Variants in RBM12 observed in about 807,000 individuals in gnomAD.
RBM12 encodes RNA-binding protein 12.
Under a neutral mutation model 37.2 loss-of-function variants are expected in RBM12, and 24 were observed. That is an observed-to-expected ratio of 0.65 (90% CI 0.47 to 0.91). RBM12 has a LOEUF of 0.91. Ranked by LOEUF, RBM12 falls within the 40% of genes least tolerant of loss-of-function variation. The pLI is 0.00. For missense variants in RBM12, 1,061 were observed against 1,183.2 expected, an observed-to-expected ratio of 0.90 and a Z score of 1.52; for synonymous variants, 420 against 425.2, an observed-to-expected ratio of 0.99 and a Z score of 0.15.
intron 2 of RBM12, among the ~76,000 whole-genome samples, chr20:35,658,686 G>A (rs2034048129): frequency 6.6e-6 from 1 of 152,090 alleles, no homozygotes; most frequent in Non-Finnish European, 1.5e-5. Context: ...CTTGAACCCG[G>A]GAGGCGGAGG....
chr20:35,661,362 C>T (rs900726495), intron 1 of RBM12, among the ~76,000 whole-genome samples: 1 of 152,172 alleles, frequency 6.6e-6, no homozygotes, highest in Non-Finnish European at 1.5e-5. Flanking sequence ...CAAAAATCCA[C>T]GCCATTTACC....
At chr20:35,658,805 AC>A (rs1186860019) in intron 2 of RBM12, 124 bp downstream of exon 2, 80 of 129,064 alleles carry the variant, frequency 6.2e-4, no homozygotes, top group African/African-American at 9.3e-4. Flanking sequence ...AAACAAAAAC[AC>A]ACACACACAC....
chr20:35,651,948 A>G lies in RBM12; in HGVS notation c.*576T>C, dbSNP rs2033552613. 1.3e-5 allele frequency: 2 copies of G among 152,594 alleles called. No individual in the cohort carries two copies. Among genetic ancestry groups the G allele is most frequent in the African/African-American group, 4.8e-5 (2 of 41,474 alleles). The allele number at this position is 152,594 out of a possible 1,614,324, so 9.5% of individuals were successfully genotyped here. A position where few individuals can be genotyped will look rare whatever the true frequency, so the allele number is the denominator to read the frequency against. On this transcript the variant is annotated 3_prime_UTR_variant, in exon 3 of 3. Coordinates refer to ENST00000374114, the MANE Select transcript of RBM12 (RefSeq NM_006047.6). Reference sequence around the variant, plus strand: ...TTACAAATGAGTCAATTAGACAAACAAAGCAGCAACTTCTGAAGCAGGACT... The same window carrying G: ...TTACAAATGAGTCAATTAGACAAACGAAGCAGCAACTTCTGAAGCAGGACT...
At chr20:35,657,513 T>C (rs2033968862) in intron 2 of RBM12, among the ~76,000 whole-genome samples, 1 of 152,086 alleles carries the variant, frequency 6.6e-6, no homozygotes, top group African/African-American at 2.4e-5. Flanking sequence ...AAACAGAAAC[T>C]TGATATAGTC....
chr20:35,653,719 G>A lies in RBM12; in HGVS notation c.1604C>T (p.Pro535Leu). The change falls in exon 3 of 3, where the codon CCA (proline) becomes CTA (leucine). Residue 535 changes from proline to leucine, a missense_variant. Pro to Leu is a moderately conservative substitution (Grantham distance 98, BLOSUM62 -3). Around this residue, in one of 3 missense-constraint regions of RBM12, gnomAD observed 517 missense variants for 534.0 expected, o/e 0.97. Coordinates refer to ENST00000374114, the MANE Select transcript of RBM12 (RefSeq NM_006047.6). The stretch of plus-strand genomic sequence containing the variant: ...TTTGGCAGAGTTGACATCCCCCTCT[G>A]GATTTAGTATCATTTCCCTCTGGTC... ...SYDQREMILN[P>L]EGDVNSAKVC... is the part of the protein sequence containing the mutation. 2 of 1,614,150 alleles carry A rather than the reference G, an allele frequency of 1.2e-6. No homozygotes were observed. Among genetic ancestry groups the A allele is most frequent in the Non-Finnish European group, 1.7e-6 (2 of 1,180,032 alleles).
At chr20:35,663,752 C>G (rs1040586248) in intron 1 of RBM12, among the ~76,000 whole-genome samples, 2 of 152,160 alleles carry the variant, frequency 1.3e-5, no homozygotes, top group Admixed American at 6.6e-5. Context: ...ACAAAAAGCC[C>G]GTACGTTTAC....
At chr20:35,656,372 A>G (rs1670888731) in intron 2 of RBM12, among the ~76,000 whole-genome samples, 3 of 152,160 alleles carry the variant, frequency 2.0e-5, no homozygotes, top group African/African-American at 7.2e-5. Flanking sequence ...GTTCCCCTCA[A>G]ATTTCAGTAT....
intron 1 of RBM12, 177 bp downstream of exon 1, chr20:35,664,583 T>A (rs954333973): frequency 2.0e-5 from 3 of 152,338 alleles, no homozygotes; most frequent in African/African-American, 7.2e-5. Flanking sequence ...CCTTGCATCC[T>A]CTCAGATCTC....
In RBM12 at chr20:35,653,903, C is replaced by T; in HGVS notation, c.1420G>A (p.Gly474Ser). 1 of 1,614,160 alleles carries T rather than the reference C, an allele frequency of 6.2e-7. No individual in the cohort carries two copies. Among genetic ancestry groups the T allele is most frequent in the Non-Finnish European group, 8.5e-7 (1 of 1,180,030 alleles). ...GCCTCATTTCTGAACTCTACAAAGC[C>T]TTCGCCAGTTGCTTTCCCATTGGGT... is the stretch of plus-strand genomic sequence containing the variant. The part of the protein sequence containing the change: ...YGPNGKATGE[G>S]FVEFRNEADY... Residue 474 changes from glycine to serine, a missense_variant, in exon 3 of 3, where the codon GGC becomes AGC. By Grantham distance (56) the Gly-to-Ser change is moderately conservative. This residue lies in a region of RBM12 where 540 missense variants were observed against 632.7 expected (regional missense o/e 0.85). Transcript: ENST00000374114.
At position 35,659,021 on chromosome 20, in the gene RBM12, T is replaced by C. The variant is rs1334562690; in HGVS notation, c.-107-7A>G. On this transcript the variant is annotated splice_region_variant and splice_polypyrimidine_tract_variant and intron_variant, in intron 1 of 2. Transcript: ENST00000374114. ...ATTAAAACCAACTTTTAGACTGCAA[T>C]AGAGAATAAACGGAGGCAAAAATCA... 11 of 713,802 alleles carry C rather than the reference T, an allele frequency of 1.5e-5. No individual in the cohort carries two copies. Among genetic ancestry groups the C allele is most frequent in the South Asian group, 3.0e-5 (2 of 67,462 alleles). The allele number at this position is 713,802 out of a possible 1,614,324, so 44.2% of individuals were successfully genotyped here.
In RBM12 at chr20:35,654,340, C is replaced by T. The variant is rs771722891; in HGVS notation, c.983G>A (p.Arg328His). 21 of 1,614,050 alleles carry T rather than the reference C, an allele frequency of 1.3e-5. No homozygotes were observed. Among genetic ancestry groups the T allele is most frequent in the Non-Finnish European group, 1.7e-5 (20 of 1,180,040 alleles). The change falls in exon 3 of 3, where the codon CGT becomes CAT. Residue 328 changes from arginine to histidine, a missense_variant. Arg to His is a conservative substitution (Grantham distance 29). This residue lies in a region of RBM12 where 540 missense variants were observed against 632.7 expected (regional missense o/e 0.85). Coordinates refer to ENST00000374114, the MANE Select transcript of RBM12 (RefSeq NM_006047.6). ...TTTCAACAAATGCACTGCATCAACA[C>T]GGAGCCCATGAAAAAAATCTCTGAC... ...NDVRDFFHGL[R>H]VDAVHLLKDH...
Position 35,653,153 on chromosome 20 carries a change from G to A in RBM12, c.2170C>T (p.Pro724Ser), listed in dbSNP as rs767631496. 8.1e-6 allele frequency: 13 copies of A among 1,613,476 alleles called. No homozygotes were observed. Among genetic ancestry groups the A allele is most frequent in the East Asian group, 4.5e-5 (2 of 44,900 alleles). The change falls in exon 3 of 3, where the codon CCT becomes TCT. Residue 724 changes from proline (P) to serine (S), a missense_variant. Around this residue, in one of 3 missense-constraint regions of RBM12, gnomAD observed 517 missense variants for 534.0 expected, o/e 0.97. Coordinates refer to ENST00000374114, the MANE Select transcript of RBM12 (RefSeq NM_006047.6). ...GCATTTGATCCACCAAAATTACCAG[G>A]AAAGTTAAATGGAGGCCCATTATTG... ...EANNGPPFNF[P>S]GNFGGSNAFG...
intron 2 of RBM12, among the ~76,000 whole-genome samples, chr20:35,657,989 G>A (rs1010785050): frequency 5.3e-5 from 8 of 151,994 alleles, no homozygotes; most frequent in African/African-American, 1.9e-4. Flanking sequence ...TTGAACCCGG[G>A]AGGCAGAGAT....
In RBM12 at chr20:35,653,324, G is replaced by T. The variant is rs755749928; in HGVS notation, c.1999C>A (p.Leu667Ile). The T allele has an allele frequency of 1.2e-6, 2 of 1,613,834 alleles. No homozygotes were observed. Among genetic ancestry groups the T allele is most frequent in the East Asian group, 4.5e-5 (2 of 44,836 alleles). ...GTGCTGGGCAGGCCTGCACCGGGAA[G>T]TCCTGCACTGGGCAGTCCCACACCG... ...LPGVGLPSAG[L>I]PGAGLPSTGL... The change falls in exon 3 of 3, where the codon CTT (leucine) becomes ATT (isoleucine). Residue 667 changes from leucine (L) to isoleucine (I), a missense_variant. This residue lies in a region of RBM12 where 517 missense variants were observed against 534.0 expected (regional missense o/e 0.97). Transcript: ENST00000374114.
In RBM12 at chr20:35,653,185, T is replaced by A; in HGVS notation, c.2138A>T (p.Lys713Met). 1 of 1,613,520 alleles carries A rather than the reference T, an allele frequency of 6.2e-7. No homozygotes were observed. The highest frequency in any genetic ancestry group is 1.3e-5 in the African/African-American group (1 of 75,070). ...AAATGGAGGCCCATTATTGGCTTCC[T>A]TTGATCCTACAGTCAGGAAGGCATG... The part of the protein sequence containing the change: ...EEHAFLTVGS[K>M]EANNGPPFNF... The change falls in exon 3 of 3, where the codon AAG becomes ATG. Residue 713 changes from lysine (K) to methionine (M), a missense_variant. Lys to Met is a moderately conservative substitution (Grantham distance 95, BLOSUM62 -1). This residue lies in a region of RBM12 where 517 missense variants were observed against 534.0 expected (regional missense o/e 0.97). Coordinates refer to ENST00000374114, the MANE Select transcript of RBM12 (RefSeq NM_006047.6).
intron 1 of RBM12, among the ~76,000 whole-genome samples, chr20:35,662,510 G>A (rs553616405): frequency 2.0e-4 from 30 of 152,206 alleles, no homozygotes; most frequent in African/African-American, 7.2e-4. Context: ...GCACTTGTGG[G>A]CCAGACAAAA....
At chr20:35,659,886 G>T (rs935074078) in intron 1 of RBM12, among the ~76,000 whole-genome samples, 5 of 152,030 alleles carry the variant, frequency 3.3e-5, no homozygotes, top group Non-Finnish European at 5.9e-5. Context: ...TTAATTCGGA[G>T]AGAGAAGAAA....
Position 35,653,114 on chromosome 20 carries a change from T to C in RBM12, c.2209A>G (p.Ile737Val), listed in dbSNP as rs1456677218. Residue 737 changes from isoleucine (I) to valine (V), a missense_variant, in exon 3 of 3, where the codon ATC (isoleucine) becomes GTC (valine). Around this residue, in one of 3 missense-constraint regions of RBM12, gnomAD observed 517 missense variants for 534.0 expected, o/e 0.97. Coordinates refer to ENST00000374114, the MANE Select transcript of RBM12 (RefSeq NM_006047.6). ...CCGCCTCCTAATCCTGGAGGAGGGA[T>C]TGGTGGCCCAAAGGCATTTGATCCA... ...FGGSNAFGPPIPPPGLGGGAF... is the reference protein window; with the variant it reads ...FGGSNAFGPPVPPPGLGGGAF... 5 of 1,613,764 alleles carry C rather than the reference T, an allele frequency of 3.1e-6. No individual in the cohort carries two copies. The highest frequency in any genetic ancestry group is 4.2e-6 in the Non-Finnish European group (5 of 1,180,022).
In RBM12 at chr20:35,653,254, G is replaced by A. The variant is rs188287954; in HGVS notation, c.2069C>T (p.Ala690Val). The A allele has an allele frequency of 3.2e-5, 51 of 1,612,976 alleles. No homozygotes were observed. In the East Asian group the frequency reaches 4.2e-4, roughly 13 times the overall value. Residue 690 changes from alanine (A) to valine (V), a missense_variant, in exon 3 of 3, where the codon GCG (alanine) becomes GTG (valine). By Grantham distance (64) the Ala-to-Val change is moderately conservative. Around this residue, in one of 3 missense-constraint regions of RBM12, gnomAD observed 517 missense variants for 534.0 expected, o/e 0.97. Coordinates refer to ENST00000374114, the MANE Select transcript of RBM12 (RefSeq NM_006047.6). Reference sequence around the variant, plus strand: ...AGGTATTCCTGCACTGGGCATTCCCGCACCAGGCAGTCCTGCACTGGTTAT... The same window carrying A: ...AGGTATTCCTGCACTGGGCATTCCCACACCAGGCAGTCCTGCACTGGTTAT... ...SAITSAGLPG[A>V]GMPSAGIPSA...
Sources: allele counts gnomAD v4.1 joint callset (sites outside exome capture counted in the v4.1 genomes callset), GRCh38; gene constraint gnomAD v4.1.1; regional missense constraint gnomAD v4.1.1; transcripts MANE v1.5; gene names NCBI Gene and HGNC (gene_info 2026-07-23, HGNC 2026-07-21).